Variants in PCDHGA7 observed in about 807,000 individuals in gnomAD.
The protein encoded by PCDHGA7 is protocadherin gamma-A7.
In PCDHGA7, 44 loss-of-function variants were observed where a neutral mutation model predicts 58.3. That is an observed-to-expected ratio of 0.75 (90% CI 0.59 to 0.97). The LOEUF is 0.97. Among genes scored for constraint, PCDHGA7 ranks in the 50% least tolerant of loss-of-function variants. The pLI is 0.00. For synonymous variants in PCDHGA7, 516 were observed against 504.2 expected, an observed-to-expected ratio of 1.02 and a Z score of -0.31; for missense variants, 1,266 against 1,188.7, an observed-to-expected ratio of 1.06 and a Z score of -0.96.
At chr5:141,413,023 A>T in intron 1 of PCDHGA7, 1 of 729,646 alleles carries the variant, frequency 1.4e-6, no homozygotes, top group Non-Finnish European at 2.1e-6. Context: ...CACAAGCCCC[A>T]CAAACCGGCT....
chr5:141,404,945 G>A (rs753544983), intron 1 of PCDHGA7: 6 of 1,613,952 alleles, frequency 3.7e-6, no homozygotes, highest in Non-Finnish European at 5.1e-6. Flanking sequence ...AGTAGCCATA[G>A]CTGACAGCAT....
At chr5:141,472,109 A>G (rs1353132107) in intron 1 of PCDHGA7, among the ~76,000 whole-genome samples, 2 of 152,234 alleles carry the variant, frequency 1.3e-5, no homozygotes, top group Non-Finnish European at 2.9e-5. Flanking sequence ...TTTTATACAT[A>G]AAGAAAATAA....
chr5:141,474,687 A>G (rs369586568), intron 1 of PCDHGA7, among the ~76,000 whole-genome samples: 35 of 152,302 alleles, frequency 2.3e-4, no homozygotes, highest in African/African-American at 7.7e-4. Flanking sequence ...CTACCCCTTC[A>G]CTTATGTTCA....
At position 141,384,653 on chromosome 5, in the gene PCDHGA7, G is replaced by T; in HGVS notation, c.1754G>T (p.Gly585Val). ...CTGGCACCCCGCTCCGCAGAGCCCG[G>T]CTACCTGGTGACCAAGGTGGTGGCG... ...MELAPRSAEPGYLVTKVVAVD... is the reference protein window; with the variant it reads ...MELAPRSAEPVYLVTKVVAVD... Residue 585 changes from glycine to valine, a missense_variant, in exon 1 of 4, where the codon GGC (glycine) becomes GTC (valine). Coordinates refer to ENST00000518325, the MANE Select transcript of PCDHGA7 (RefSeq NM_018920.4). 6.2e-7 allele frequency: 1 copy of T among 1,614,222 alleles called. No homozygotes were observed. Among genetic ancestry groups the T allele is most frequent in the Non-Finnish European group, 8.5e-7 (1 of 1,180,036 alleles).
rs370299433 is a variant in PCDHGA7 at position 141,476,360 on chromosome 5, G to A, written c.2425-18447G>A. 5.3e-5 allele frequency: 86 copies of A among 1,614,186 alleles called. No homozygotes were observed. The highest frequency in any genetic ancestry group is 6.7e-5 in the Non-Finnish European group (79 of 1,180,042). ...CCGAAGATTCTTTGAGGTGAACCGG[G>A]AGACCGGAGAGATGTTTGTGAACGA... On this transcript the variant is annotated intron_variant, in intron 1 of 3. Transcript: ENST00000518325. This position sits in a 1 kb window ranked among gnomAD's most constrained non-coding sequence, Gnocchi z 7.6.
chr5:141,392,964 G>A (rs772870041), intron 1 of PCDHGA7: 2 of 1,613,902 alleles, frequency 1.2e-6, no homozygotes, highest in South Asian at 1.1e-5. Context: ...TATCTCCAAG[G>A]ACCTGGGGCT....
At chr5:141,444,119 T>G (rs1236466434) in intron 1 of PCDHGA7, among the ~76,000 whole-genome samples, 4 of 146,736 alleles carry the variant, frequency 2.7e-5, no homozygotes, top group African/African-American at 1.0e-4. Context: ...AAGTGAAGTA[T>G]CTCAACAGAT....
At chr5:141,416,993 C>T (rs1230909560) in intron 1 of PCDHGA7, 1 of 151,494 alleles carries the variant, frequency 6.6e-6, no homozygotes, top group Non-Finnish European at 1.5e-5. Context: ...ATTGTGCATT[C>T]ATCTCAAATA....
chr5:141,385,962 A>G (rs997092778), intron 1 of PCDHGA7: 1 of 152,264 alleles, frequency 6.6e-6, no homozygotes, highest in Admixed American at 6.5e-5. Context: ...ACTAAAGGCC[A>G]TCGGACAAAA....
At position 141,490,044 on chromosome 5, in the gene PCDHGA7, T is replaced by C; in HGVS notation, c.2425-4763T>C. The C allele has an allele frequency of 1.2e-6, 2 of 1,614,192 alleles. No individual in the cohort carries two copies. Among genetic ancestry groups the C allele is most frequent in the Non-Finnish European group, 1.7e-6 (2 of 1,180,024 alleles). The stretch of plus-strand genomic sequence containing the variant: ...TGCTGCTCCGCCTCAATGCCACTGA[T>C]CCAGACGAGGGCACCAACGGCCAAC... On this transcript the variant is annotated intron_variant, in intron 1 of 3. Transcript: ENST00000518325. The surrounding 1 kb of genome is among the most constrained non-coding windows in gnomAD (Gnocchi z 5.4).
chr5:141,429,374 TG>T (rs2097206438), intron 1 of PCDHGA7, among the ~76,000 whole-genome samples: 1 of 145,410 alleles, frequency 6.9e-6, no homozygotes, highest in South Asian at 2.2e-4. Context: ...ATGGAGAAAA[TG>T]TGTTTTTTTT....
At chr5:141,388,824 T>A in intron 1 of PCDHGA7, 1 of 1,613,960 alleles carries the variant, frequency 6.2e-7, no homozygotes, top group Non-Finnish European at 8.5e-7. Flanking sequence ...CAAAGAATAT[T>A]CCATAGTTTT....
chr5:141,383,204 G>A lies in PCDHGA7; in HGVS notation c.305G>A (p.Cys102Tyr), dbSNP rs372087170. 3 of 1,613,922 alleles carry A rather than the reference G, an allele frequency of 1.9e-6. No individual in the cohort carries two copies. In the African/African-American group the frequency reaches 4.0e-5, roughly 22 times the overall value. Residue 102 changes from cysteine to tyrosine, a missense_variant, in exon 1 of 4, where the codon TGT becomes TAT. Coordinates refer to ENST00000518325, the MANE Select transcript of PCDHGA7 (RefSeq NM_018920.4). ...GAGATCTGCGCTCAGAGTGCGCGGTGTCTGGTAAACTTTAACATCCTGATG... is the reference window on the plus strand; with the variant it reads ...GAGATCTGCGCTCAGAGTGCGCGGTATCTGGTAAACTTTAACATCCTGATG... Reference protein sequence around the residue: ...REEICAQSARCLVNFNILMED... With the variant: ...REEICAQSARYLVNFNILMED...
intron 1 of PCDHGA7, chr5:141,408,275 T>C: frequency 1.2e-6 from 2 of 1,611,874 alleles, no homozygotes; most frequent in Non-Finnish European, 1.7e-6. Flanking sequence ...GCTGCCTTTG[T>C]TCTACCCCAC....
intron 1 of PCDHGA7, chr5:141,394,562 G>A (rs1381162611): frequency 2.5e-6 from 4 of 1,614,088 alleles, no homozygotes; most frequent in Admixed American, 3.3e-5. Flanking sequence ...GCTCCGCAGA[G>A]CGTGGCTACC....
rs771827146 is a variant in PCDHGA7, at chr5:141,384,230, A to G, written c.1331A>G (p.Asp444Gly). ...RETHIFMQVA[D>G]TNDNPPTFPH... is the part of the protein sequence containing the mutation. ...ACTCACATATTCATGCAGGTGGCAG[A>G]CACCAACGATAACCCACCCACCTTC... The change falls in exon 1 of 4, where the codon GAC (aspartate) becomes GGC (glycine). Residue 444 changes from aspartate (D) to glycine (G), a missense_variant. Physicochemically the swap from Asp to Gly is moderately conservative, Grantham distance 94 (BLOSUM62 -1). Transcript: ENST00000518325. The G allele has an allele frequency of 1.2e-6, 2 of 1,613,916 alleles. No homozygotes were observed. Among genetic ancestry groups the G allele is most frequent in the Admixed American group, 3.3e-5 (2 of 60,020 alleles).
chr5:141,455,104 G>T (rs2098813087), intron 1 of PCDHGA7, among the ~76,000 whole-genome samples: 1 of 151,780 alleles, frequency 6.6e-6, no homozygotes, highest in Non-Finnish European at 1.5e-5. Flanking sequence ...GAGCCACTGC[G>T]CCCGGTGGGT....
At chr5:141,433,395 C>CTATA (rs1426636882) in intron 1 of PCDHGA7, among the ~76,000 whole-genome samples, 2 of 150,654 alleles carry the variant, frequency 1.3e-5, no homozygotes, top group African/African-American at 4.9e-5. Context: ...ATCTATCTAT[C>CTATA]TATCTATCTA....
At chr5:141,412,936 A>T in intron 1 of PCDHGA7, 1 of 459,508 alleles carries the variant, frequency 2.2e-6, no homozygotes, top group African/African-American at 2.0e-5. Flanking sequence ...ACTTCTTAGG[A>T]CTCTGAGCGC....
Sources: gnomAD v4.1 joint callset for allele counts (sites outside exome capture counted in the v4.1 genomes callset) on GRCh38, gnomAD v4.1.1 for gene constraint, Gnocchi (gnomAD v3.1) non-coding constraint, MANE v1.5 for transcripts, NCBI Gene and HGNC (gene_info 2026-07-23, HGNC 2026-07-21) for gene names.